Variants in SNCAIP observed in about 807,000 individuals in gnomAD.
The protein encoded by SNCAIP is synphilin-1.
A neutral mutation model predicts 86.7 loss-of-function variants in SNCAIP; 43 were observed. The observed-to-expected ratio is 0.50, with a 90% CI of 0.39 to 0.64. The LOEUF is 0.64. Ranked by LOEUF, SNCAIP falls within the 30% of genes least tolerant of loss-of-function variation. The probability of loss-of-function intolerance (pLI) is 0.00; values close to 1 mark genes in which losing one functional copy is unlikely to be tolerated. For missense variants in SNCAIP, 981 were observed against 1,103.1 expected (o/e 0.89, Z 1.57); for synonymous variants, 417 against 427.2 (o/e 0.98, Z 0.29).
At chr5:122,327,509 C>T (rs939654538) in intron 1 of SNCAIP, among the ~76,000 whole-genome samples, 1 of 152,076 alleles carries the variant, frequency 6.6e-6, no homozygotes, top group Non-Finnish European at 1.5e-5. Flanking sequence ...GGGGCAGTAT[C>T]CCCCATGTTG....
chr5:122,329,262 CAA>C (rs78307168), intron 1 of SNCAIP, among the ~76,000 whole-genome samples: 71 of 81,078 alleles, frequency 8.8e-4, no homozygotes, highest in Admixed American at 8.7e-4. Context: ...GGTAATGTGG[CAA>C]AAAAAAAAAA....
At chr5:122,411,467 A>G (rs1050797740) in intron 3 of SNCAIP, among the ~76,000 whole-genome samples, 8 of 151,800 alleles carry the variant, frequency 5.3e-5, no homozygotes, top group African/African-American at 1.5e-4. Flanking sequence ...CTGAAAGCAT[A>G]CCCTTTTGCT....
intron 10 of SNCAIP, chr5:122,453,105 G>A (rs1231337159): frequency 1.6e-6 from 1 of 633,608 alleles, no homozygotes; most frequent in East Asian, 2.8e-5. Flanking sequence ...ATAACACCAA[G>A]GAAGAAGAAA....
chr5:122,462,306 C>T (rs1786552981), intron 10 of SNCAIP, among the ~76,000 whole-genome samples: 1 of 152,152 alleles, frequency 6.6e-6, no homozygotes, highest in African/African-American at 2.4e-5. Context: ...CTTTTTGTTT[C>T]TGAAATACCA....
chr5:122,385,670 CGT>C (rs1767966900), intron 1 of SNCAIP, among the ~76,000 whole-genome samples: 1 of 144,552 alleles, frequency 6.9e-6, no homozygotes, highest in South Asian at 2.3e-4. Context: ...CGTGTGCGCA[CGT>C]ATGTGTGTGT....
intron 3 of SNCAIP, 27 bp downstream of exon 3, chr5:122,403,892 CT>C: frequency 1.3e-6 from 2 of 1,557,690 alleles, no homozygotes; most frequent in Non-Finnish European, 1.8e-6. Flanking sequence ...CCCTCTTCTC[CT>C]TATCCTGGCT....
In SNCAIP at chr5:122,440,643, G is replaced by T; in HGVS notation, c.1311G>T (p.Leu437=). The change falls in exon 7 of 11, where the codon CTG becomes CTT. Residue 437 remains leucine, a synonymous_variant. Transcript: ENST00000261368. ...AGCYGQEKIL[L]WLLQFMQEQG... is the part of the protein sequence containing the mutation. ...TGTGTTTATAGGAAAAGATTCTTCT[G>T]TGGCTTCTTCAGTTTATGCAAGAAC... The T allele has an allele frequency of 6.2e-7, 1 of 1,613,874 alleles. No homozygotes were observed. The highest frequency in any genetic ancestry group is 8.5e-7 in the Non-Finnish European group (1 of 1,179,774).
At chr5:122,448,658 ATATT>A (rs1157198552) in intron 8 of SNCAIP, among the ~76,000 whole-genome samples, 5 of 126,178 alleles carry the variant, frequency 4.0e-5, no homozygotes, top group Admixed American at 8.8e-5. Flanking sequence ...ATTTTTATAT[ATATT>A]ATATATATTA....
At position 122,425,450 on chromosome 5, in the gene SNCAIP, G is replaced by C. The variant is rs1268059427; in HGVS notation, c.1101G>C (p.Gln367His). 1 of 1,613,856 alleles carries C rather than the reference G, an allele frequency of 6.2e-7. No homozygotes were observed. Among genetic ancestry groups the C allele is most frequent in the Non-Finnish European group, 8.5e-7 (1 of 1,179,830 alleles). ...CACAGGGACACGCAGAGTGTCTACAGCACCTCACTTCTTTGATGGGAGAAG... is the reference window on the plus strand; with the variant it reads ...CACAGGGACACGCAGAGTGTCTACACCACCTCACTTCTTTGATGGGAGAAG... The part of the protein sequence containing the change: ...AASQGHAECL[Q>H]HLTSLMGEDC... The change falls in exon 5 of 11, where the codon CAG (glutamine) becomes CAC (histidine). Residue 367 changes from glutamine to histidine, a missense_variant. Transcript: ENST00000261368.
At chr5:122,394,823 C>T (rs1232307844) in intron 2 of SNCAIP, among the ~76,000 whole-genome samples, 8 of 152,212 alleles carry the variant, frequency 5.3e-5, no homozygotes, top group Admixed American at 2.6e-4. Context: ...GTGCCGCACA[C>T]TGAGATAAAC....
intron 2 of SNCAIP, among the ~76,000 whole-genome samples, chr5:122,397,755 G>T (rs1770928438): frequency 6.6e-6 from 1 of 152,110 alleles, no homozygotes; most frequent in East Asian, 1.9e-4. Flanking sequence ...CATGGAATGT[G>T]GAAAGAGAAG....
chr5:122,313,035 T>G (rs533472753), intron 1 of SNCAIP: 1 of 152,382 alleles, frequency 6.6e-6, no homozygotes, highest in Non-Finnish European at 1.5e-5. Context: ...CCATACAGTT[T>G]CCACAGGAAA....
intron 1 of SNCAIP, among the ~76,000 whole-genome samples, chr5:122,328,853 T>C (rs574119527): frequency 6.6e-6 from 1 of 152,332 alleles, no homozygotes; most frequent in East Asian, 1.9e-4. Flanking sequence ...TACCCTTTTC[T>C]AGCCTTATTG....
At chr5:122,438,271 G>C (rs1378300110) in intron 6 of SNCAIP, among the ~76,000 whole-genome samples, 1 of 152,154 alleles carries the variant, frequency 6.6e-6, no homozygotes, top group Admixed American at 6.5e-5. Context: ...ATCTCAGTGT[G>C]GGTTTTCTCT....
At chr5:122,426,892 C>A (rs571909827) in intron 5 of SNCAIP, among the ~76,000 whole-genome samples, 205 of 152,294 alleles carry the variant, frequency 1.3e-3, no homozygotes, top group Non-Finnish European at 2.3e-3. Flanking sequence ...GCTGGCAATA[C>A]AAATTTGTAT....
intron 2 of SNCAIP, 52 bp from the exon 3 acceptor site, chr5:122,403,741 T>C: frequency 7.1e-7 from 1 of 1,399,438 alleles, no homozygotes; most frequent in Non-Finnish European, 1.0e-6. Context: ...TCTGAGTGAA[T>C]GCTCGCATTT....
At chr5:122,406,937 G>C (rs1041563771) in intron 3 of SNCAIP, among the ~76,000 whole-genome samples, 1 of 151,954 alleles carries the variant, frequency 6.6e-6, no homozygotes, top group African/African-American at 2.4e-5. Flanking sequence ...ATTTTGTATA[G>C]GTTGTCAAAT....
intron 1 of SNCAIP, among the ~76,000 whole-genome samples, chr5:122,382,340 C>A (rs968048019): frequency 2.0e-5 from 3 of 152,234 alleles, no homozygotes; most frequent in Non-Finnish European, 4.4e-5. Context: ...GCATTGGCTC[C>A]TGAGACTTCT....
At chr5:122,378,882 C>A (rs1033096860) in intron 1 of SNCAIP, among the ~76,000 whole-genome samples, 1 of 145,874 alleles carries the variant, frequency 6.9e-6, no homozygotes, top group African/African-American at 2.6e-5. Context: ...GGGCTCTGTT[C>A]TGTTCCATTC....
Sources: gnomAD v4.1 joint callset for allele counts (sites outside exome capture counted in the v4.1 genomes callset) on GRCh38, gnomAD v4.1.1 for gene constraint, MANE v1.5 for transcripts, NCBI Gene and HGNC (gene_info 2026-07-23, HGNC 2026-07-21) for gene names.